The following FANCD2 variants were observed in gnomAD, a reference collection of about 807,000 sequenced individuals.
FANCD2 encodes FA complementation group D2.
A neutral mutation model predicts 192.3 loss-of-function variants in FANCD2; 131 were observed. That is an observed-to-expected ratio of 0.68 (90% CI 0.59 to 0.79). The LOEUF is 0.79. FANCD2 is among the 30% of genes least tolerant of loss of function. The pLI is 0.00. For missense variants in FANCD2, 1,508 were observed against 1,701.6 expected, an observed-to-expected ratio of 0.89 and a Z score of 2.00; for synonymous variants, 524 against 612.5, an observed-to-expected ratio of 0.86 and a Z score of 2.13.
intron 15 of FANCD2, 113 bp from the exon 16 acceptor site, chr3:10,047,804 A>T (rs2087067641): frequency 7.7e-7 from 1 of 1,294,166 alleles, no homozygotes; most frequent in Non-Finnish European, 1.1e-6. Context: ...TCCTAAGTTA[A>T]AATGAGAGCT....
intron 35 of FANCD2, 52 bp from the exon 36 acceptor site, chr3:10,088,776 G>T: frequency 6.3e-7 from 1 of 1,594,558 alleles, no homozygotes; most frequent in Non-Finnish European, 8.6e-7. Context: ...GGAATCTGTA[G>T]TTGTATTCTA....
At chr3:10,085,034 G>T (rs1279592632) in intron 32 of FANCD2, among the ~76,000 whole-genome samples, 1 of 152,174 alleles carries the variant, frequency 6.6e-6, no homozygotes, top group Non-Finnish European at 1.5e-5. Flanking sequence ...AATATGAAAG[G>T]TAATCCAAAG....
intron 18 of FANCD2, among the ~76,000 whole-genome samples, chr3:10,054,449 A>G (rs141388853): frequency 0.1 from 2,120 of 20,836 alleles, 53 homozygotes; most frequent in Non-Finnish European, 0.11. Flanking sequence ...GTATATACAT[A>G]TATATATATA....
At chr3:10,090,184 G>A in intron 36 of FANCD2, 108 bp from the exon 37 acceptor site, 1 of 755,034 alleles carries the variant, frequency 1.3e-6, no homozygotes, top group Non-Finnish European at 2.3e-6. Context: ...CTAGTGAAAG[G>A]ACATTTAGAG....
At position 10,028,664 on chromosome 3, in the gene FANCD2, TC is replaced by T; in HGVS notation, c.9del (p.Arg5GlufsTer12). On this transcript the variant is annotated frameshift_variant, in exon 2 of 44. Transcript: ENST00000675286. LOFTEE classifies it high-confidence loss of function. MV[S>X]KRRLSKSEDK... is the part of the protein sequence containing the mutation. ...GCACAAGACATTGGTCAAAATGGTT[TC>T]CAAAAGAAGACTGTCAAAATCTGAG... is the stretch of plus-strand genomic sequence containing the variant. The T allele has an allele frequency of 6.2e-7, 1 of 1,614,058 alleles. No individual in the cohort carries two copies. Among genetic ancestry groups the T allele is most frequent in the Non-Finnish European group, 8.5e-7 (1 of 1,179,944 alleles).
At chr3:10,057,505 G>C (rs1195766425) in intron 18 of FANCD2, among the ~76,000 whole-genome samples, 1 of 151,840 alleles carries the variant, frequency 6.6e-6, no homozygotes, top group Non-Finnish European at 1.5e-5. Flanking sequence ...GCTGGGACTA[G>C]GGGCATGCAC....
rs574820015 is a variant in FANCD2, at chr3:10,077,021, G to A, written c.2860-1060G>A. 2.0e-5 allele frequency among the ~76,000 whole-genome samples: 3 copies of A among 152,156 alleles called. No homozygotes were observed. In the South Asian group the frequency reaches 6.2e-4, roughly 32 times the overall value. On this transcript the variant is annotated intron_variant, in intron 29 of 43. Coordinates refer to ENST00000675286, the MANE Select transcript of FANCD2 (RefSeq NM_001018115.3). ...CTGCCTTGACCTCCCAAAGTACTGG[G>A]AGTTTGAGACCAGCCTGGGTAACAC...
chr3:10,080,714 T>C (rs1693785957), intron 30 of FANCD2, among the ~76,000 whole-genome samples: 1 of 152,178 alleles, frequency 6.6e-6, no homozygotes, highest in South Asian at 2.1e-4. Context: ...AAGGCTGCAG[T>C]GAGCTGTGAT....
At chr3:10,047,766 A>AT in intron 15 of FANCD2, 151 bp from the exon 16 acceptor site, 2 of 806,998 alleles carry the variant, frequency 2.5e-6, no homozygotes, top group South Asian at 2.9e-5. Flanking sequence ...ATGAAGGATT[A>AT]TTTTTGTGTA....
In FANCD2 at chr3:10,101,331, A is replaced by G. The variant is rs1695286974; in HGVS notation, c.*69A>G. 8.6e-7 allele frequency: 1 copy of G among 1,166,506 alleles called. No homozygotes were observed. The highest frequency in any genetic ancestry group is 1.3e-6 in the Non-Finnish European group (1 of 773,910). 72.3% of individuals were successfully genotyped at this position (1,166,506 alleles called of 1,614,324 possible). A position where few individuals can be genotyped will look rare whatever the true frequency, so the allele number is the denominator to read the frequency against. On this transcript the variant is annotated 3_prime_UTR_variant, in exon 44 of 44. Transcript: ENST00000675286. ...GTGATCATTTTGTGTTAGAGTTTGA[A>G]ATCCGCTGTTTGCCTTTCTTACTGG...
intron 43 of FANCD2, 85 bp from the exon 44 acceptor site, chr3:10,101,103 G>T: frequency 9.8e-7 from 1 of 1,022,508 alleles, no homozygotes; most frequent in Admixed American, 1.7e-5. Context: ...TAATAGTACA[G>T]TTGTGTATCC....
intron 3 of FANCD2, among the ~76,000 whole-genome samples, chr3:10,033,331 G>A (rs1424508523): frequency 6.6e-6 from 1 of 152,102 alleles, no homozygotes; most frequent in Non-Finnish European, 1.5e-5. Context: ...AACCCGGGAG[G>A]TGAAAGTTGC....
rs1371212635 is a variant in FANCD2, at chr3:10,088,866, T to C, written c.3599T>C (p.Ile1200Thr). ...LEHTESILKAIEEIAGVGVPE... is the reference protein window; with the variant it reads ...LEHTESILKATEEIAGVGVPE... ...CACACAGAGAGCATTCTGAAGGCCA[T>C]AGAGGAGATTGCTGGTGTTGGTGTC... The change falls in exon 36 of 44, where the codon ATA (isoleucine) becomes ACA (threonine). Residue 1200 changes from isoleucine (I) to threonine (T), a missense_variant. Transcript: ENST00000675286. The C allele has an allele frequency of 1.2e-6, 2 of 1,613,950 alleles. No individual in the cohort carries two copies. The highest frequency in any genetic ancestry group is 1.3e-5 in the African/African-American group (1 of 74,942).
At chr3:10,101,101 C>T (rs2125105377) in intron 43 of FANCD2, 87 bp from the exon 44 acceptor site, 3 of 980,910 alleles carry the variant, frequency 3.1e-6, no homozygotes, top group African/African-American at 3.2e-5. Context: ...GATAATAGTA[C>T]AGTTGTGTAT....
intron 34 of FANCD2, 74 bp from the exon 35 acceptor site, chr3:10,088,375 T>C (rs1694363648): frequency 2.2e-6 from 2 of 911,608 alleles, no homozygotes; most frequent in Admixed American, 1.7e-5. Flanking sequence ...TCAATAATCA[T>C]CCTCAAAAAC....
chr3:10,032,904 G>T lies in FANCD2; in HGVS notation c.137G>T (p.Ser46Ile), dbSNP rs763763504. The change falls in exon 3 of 44, where the codon AGC becomes ATC. Residue 46 changes from serine (S) to isoleucine (I), a missense_variant. Physicochemically the swap from Ser to Ile is moderately radical, Grantham distance 142. This residue lies in a region of FANCD2 where 435 missense variants were observed against 421.9 expected (regional missense o/e 1.03). Transcript: ENST00000675286. ...HIANEVEEND[S>I]IFVKLLKISG... ...GCTAATGAAGTTGAAGAAAATGACA[G>T]CATCTTTGTAAAGCTTCTTAAGATA... The T allele has an allele frequency of 1.9e-6, 3 of 1,604,070 alleles. No homozygotes were observed. In the Admixed American group the frequency reaches 5.0e-5, roughly 27 times the overall value.
At chr3:10,096,524 A>G (rs1418980393) in intron 42 of FANCD2, 52 bp downstream of exon 42, 5 of 1,565,982 alleles carry the variant, frequency 3.2e-6, no homozygotes, top group Non-Finnish European at 4.4e-6. Flanking sequence ...TCTTTGTGAC[A>G]GCATCAGATG....
intron 40 of FANCD2, 79 bp downstream of exon 40, chr3:10,094,442 G>A (rs1425125567): frequency 7.3e-6 from 9 of 1,224,750 alleles, no homozygotes; most frequent in Non-Finnish European, 1.1e-5. Context: ...TCCTGGGTGG[G>A]GCTGGGAGTG....
chr3:10,081,723 T>C (rs1190947412), intron 32 of FANCD2, among the ~76,000 whole-genome samples: 1 of 152,194 alleles, frequency 6.6e-6, no homozygotes, highest in Non-Finnish European at 1.5e-5. Flanking sequence ...GGCCATCTGT[T>C]CCTTAGTCCA....
Sources: allele counts gnomAD v4.1 joint callset (sites outside exome capture counted in the v4.1 genomes callset), GRCh38; gene constraint gnomAD v4.1.1; regional missense constraint gnomAD v4.1.1; transcripts MANE v1.5; gene names NCBI Gene and HGNC (gene_info 2026-07-23, HGNC 2026-07-21).